Variants in KIF26B observed in about 807,000 individuals in gnomAD.
The protein encoded by KIF26B is kinesin family member 26B.
In KIF26B, 63 loss-of-function variants were observed where a neutral mutation model predicts 151.2. The ratio of observed to expected loss-of-function variants is 0.42; its 90% CI spans 0.34 to 0.51. The LOEUF is 0.51. KIF26B is among the 20% of genes least tolerant of loss of function. The probability of loss-of-function intolerance (pLI) is 0.07; values close to 1 mark genes in which losing one functional copy is unlikely to be tolerated. For missense variants in KIF26B, 2,813 were observed against 2,913.6 expected (o/e 0.97, Z 0.79); for synonymous variants, 1,357 against 1,262.1 (o/e 1.08, Z -1.59).
At position 245,358,129 on chromosome 1, in the gene KIF26B, G is replaced by A. The variant is rs112932022; in HGVS notation, c.466-8705G>A. On this transcript the variant is annotated intron_variant, in intron 2 of 14. Transcript: ENST00000407071. This position sits in a 1 kb window ranked among gnomAD's most constrained non-coding sequence, Gnocchi z 4.1. ...GGGATTTCACCATGTTGCCCAGGCTGGTCTCGAACTTCAGATCTGCCCACC... is the reference window on the plus strand; with the variant it reads ...GGGATTTCACCATGTTGCCCAGGCTAGTCTCGAACTTCAGATCTGCCCACC... Among the ~76,000 whole-genome samples the A allele has an allele frequency of 0.048, 7,376 of 152,140 alleles. 549 individuals are homozygous for A. The highest frequency in any genetic ancestry group is 0.16 in the African/African-American group (6,704 of 41,452).
rs1323891655 is a variant in KIF26B at position 245,419,499 on chromosome 1, C to G, written c.1000-80C>G. ...ACCTGTTCCCTCTTGCCTCCCTCCCCCAAATAGAGAGATGCTGTCAGTGGT... is the reference window on the plus strand; with the variant it reads ...ACCTGTTCCCTCTTGCCTCCCTCCCGCAAATAGAGAGATGCTGTCAGTGGT... On this transcript the variant is annotated intron_variant, in intron 3 of 14. Transcript: ENST00000407071. 3.6e-6 allele frequency: 5 copies of G among 1,390,402 alleles called. No individual in the cohort carries two copies. The Middle Eastern group carries it at 5.7e-4, about 159-fold the overall frequency. The allele number at this position is 1,390,402 out of a possible 1,614,324, so 86.1% of individuals were successfully genotyped here.
rs532197475 is a variant in KIF26B, at chr1:245,313,888, G to A, written c.466-52946G>A. Among the ~76,000 whole-genome samples, 217 of 152,122 alleles carry A rather than the reference G, an allele frequency of 1.4e-3. 1 individual carries two copies. The highest frequency in any genetic ancestry group is 1.8e-3 in the Non-Finnish European group (125 of 67,996). On this transcript the variant is annotated intron_variant, in intron 2 of 14. Coordinates refer to ENST00000407071, the MANE Select transcript of KIF26B (RefSeq NM_018012.4). ...TGAGGCCCATCCTGATTTGGGCCCC[G>A]ACACCCTCCCCAGTCTCTTCTTTCA...
chr1:245,259,934 CA>C (rs35913005), intron 2 of KIF26B, among the ~76,000 whole-genome samples: 31,742 of 72,276 alleles, frequency 0.44, 4,018 homozygotes, highest in African/African-American at 0.52. Flanking sequence ...GGTCCTGTCT[CA>C]AAAAAAAAAA....
At chr1:245,620,184 A>C (rs2043642479) in intron 9 of KIF26B, among the ~76,000 whole-genome samples, 1 of 152,148 alleles carries the variant, frequency 6.6e-6, no homozygotes, top group Non-Finnish European at 1.5e-5. Flanking sequence ...ACGAACCACA[A>C]AGGGCCAAGG....
chr1:245,400,828 T>C (rs1312836769), intron 3 of KIF26B, among the ~76,000 whole-genome samples: 2 of 152,154 alleles, frequency 1.3e-5, no homozygotes, highest in African/African-American at 4.8e-5. Context: ...CCAAATTCCA[T>C]ATGTGGTTTG....
In KIF26B at chr1:245,688,341, C is replaced by T. The variant is rs1408162128; in HGVS notation, c.5358C>T (p.Ser1786=). The T allele has an allele frequency of 6.3e-7, 1 of 1,586,486 alleles. No homozygotes were observed. Among genetic ancestry groups the T allele is most frequent in the South Asian group, 1.1e-5 (1 of 88,808 alleles). The change falls in exon 12 of 15, where the codon TCC becomes TCT. Residue 1786 remains serine, a synonymous_variant. Coordinates refer to ENST00000407071, the MANE Select transcript of KIF26B (RefSeq NM_018012.4). ...AGCACACGCCCTGGTCCACGCAGTCCCTCAGCAGGAACAGGAGCTCGGGCC... is the reference window on the plus strand; with the variant it reads ...AGCACACGCCCTGGTCCACGCAGTCTCTCAGCAGGAACAGGAGCTCGGGCC... ...GGKHTPWSTQ[S]LSRNRSSGLA...
At chr1:245,456,716 T>C (rs1314478563) in intron 4 of KIF26B, among the ~76,000 whole-genome samples, 1 of 152,244 alleles carries the variant, frequency 6.6e-6, no homozygotes, top group Non-Finnish European at 1.5e-5. Context: ...GTTACCAAAA[T>C]AGTTTAAATT....
rs58192966 is a variant in KIF26B at position 245,451,585 on chromosome 1, C to CTTTTTTTTTTT, written c.1166+31858_1166+31868dup. On this transcript the variant is annotated intron_variant, in intron 4 of 14. Coordinates refer to ENST00000407071, the MANE Select transcript of KIF26B (RefSeq NM_018012.4). ...TATAATATGTATCCAGAAGATCTATCTTTTTTTTTTTTTTTTTTTTTTTTT... is the reference window on the plus strand; with the variant it reads ...TATAATATGTATCCAGAAGATCTATCTTTTTTTTTTTTTTTTTTTTTTTTTTTTTTTTTTTT... Among the ~76,000 whole-genome samples the CTTTTTTTTTTT allele has an allele frequency of 1.1e-3, 62 of 58,768 alleles. 1 individual carries two copies. The highest frequency in any genetic ancestry group is 1.9e-3 in the African/African-American group (27 of 14,092). The allele number at this position is 58,768 out of a possible 152,430, so 38.6% of individuals were successfully genotyped here. A position where few individuals can be genotyped will look rare whatever the true frequency, so the allele number is the denominator to read the frequency against.
chr1:245,190,654 T>TTTA (rs397789388), intron 2 of KIF26B, among the ~76,000 whole-genome samples: 2 of 149,816 alleles, frequency 1.3e-5, no homozygotes, highest in Non-Finnish European at 3.0e-5. Flanking sequence ...TTTTTTTTTT[T>TTTA]ACATTTCTTA....
intron 2 of KIF26B, among the ~76,000 whole-genome samples, chr1:245,300,050 T>A (rs1671402265): frequency 6.6e-6 from 1 of 152,248 alleles, no homozygotes; most frequent in Non-Finnish European, 1.5e-5. Flanking sequence ...AAGAGACTTC[T>A]AGTCGTTTTG....
At chr1:245,208,196 C>G (rs1669444754) in intron 2 of KIF26B, among the ~76,000 whole-genome samples, 1 of 152,196 alleles carries the variant, frequency 6.6e-6, no homozygotes, top group Non-Finnish European at 1.5e-5. Flanking sequence ...CTCTACTTGG[C>G]TGGGGGTAAA....
At chr1:245,398,733 T>C (rs1340439624) in intron 3 of KIF26B, among the ~76,000 whole-genome samples, 1 of 151,614 alleles carries the variant, frequency 6.6e-6, no homozygotes, top group Non-Finnish European at 1.5e-5. Flanking sequence ...TTATAAATTA[T>C]AATTTTTATA....
intron 2 of KIF26B, among the ~76,000 whole-genome samples, chr1:245,341,748 C>T (rs985701619): frequency 1.3e-5 from 2 of 152,106 alleles, no homozygotes; most frequent in Non-Finnish European, 2.9e-5. Flanking sequence ...GTTCCTTCAT[C>T]TTTTTTAAAG....
At chr1:245,313,599 A>C (rs1465302607) in intron 2 of KIF26B, among the ~76,000 whole-genome samples, 2 of 152,214 alleles carry the variant, frequency 1.3e-5, no homozygotes, top group Non-Finnish European at 2.9e-5. Context: ...TGAGCGGTCA[A>C]AAGATCTGTT....
chr1:245,230,730 C>T (rs772443202), intron 2 of KIF26B, among the ~76,000 whole-genome samples: 39 of 144,056 alleles, frequency 2.7e-4, no homozygotes, highest in Non-Finnish European at 2.4e-4. Flanking sequence ...GCAACAAGAG[C>T]GAAACTTCAT....
At chr1:245,316,738 C>G (rs1671784486) in intron 2 of KIF26B, among the ~76,000 whole-genome samples, 1 of 148,342 alleles carries the variant, frequency 6.7e-6, no homozygotes, top group Non-Finnish European at 1.5e-5. Flanking sequence ...GCCAGTTTCC[C>G]TATACTGATT....
At position 245,156,564 on chromosome 1, in the gene KIF26B, G is replaced by A; in HGVS notation, c.346G>A (p.Gly116Ser). 3 of 1,531,586 alleles carry A rather than the reference G, an allele frequency of 2.0e-6. No homozygotes were observed. Among genetic ancestry groups the A allele is most frequent in the Non-Finnish European group, 8.7e-7 (1 of 1,145,334 alleles). The allele number at this position is 1,531,586 out of a possible 1,614,324, so 94.9% of individuals were successfully genotyped here. ...FGTGSPGSGS[G>S]GGSSPGSDRG... is the part of the protein sequence containing the mutation. ...CACAGGCTCCCCGGGCTCCGGCAGC[G>A]GCGGCGGCTCCTCCCCCGGCTCGGA... The change falls in exon 2 of 15, where the codon GGC becomes AGC. Residue 116 changes from glycine (G) to serine (S), a missense_variant. Physicochemically the swap from Gly to Ser is moderately conservative, Grantham distance 56 (BLOSUM62 0). Coordinates refer to ENST00000407071, the MANE Select transcript of KIF26B (RefSeq NM_018012.4).
At chr1:245,290,602 G>A (rs925494641) in intron 2 of KIF26B, among the ~76,000 whole-genome samples, 4 of 152,152 alleles carry the variant, frequency 2.6e-5, no homozygotes, top group Non-Finnish European at 4.4e-5. Context: ...GGTCACTCTC[G>A]TGGCCATCTT....
rs1358717517 is a variant in KIF26B at position 245,667,609 on chromosome 1, C to T, written c.2259-16624C>T. Among the ~76,000 whole-genome samples the T allele has an allele frequency of 6.6e-6, 1 of 152,148 alleles. No individual in the cohort carries two copies. The highest frequency in any genetic ancestry group is 2.4e-5 in the African/African-American group (1 of 41,416). ...CACCCAGTAGATACTTATTTAAATACTTATAGAAAGACGACTTTATGCCGG... is the reference window on the plus strand; with the variant it reads ...CACCCAGTAGATACTTATTTAAATATTTATAGAAAGACGACTTTATGCCGG... On this transcript the variant is annotated intron_variant, in intron 10 of 14. Coordinates refer to ENST00000407071, the MANE Select transcript of KIF26B (RefSeq NM_018012.4). The surrounding 1 kb of genome is among the most constrained non-coding windows in gnomAD (Gnocchi z 4.3).
Sources: gnomAD v4.1 joint callset for allele counts (sites outside exome capture counted in the v4.1 genomes callset) on GRCh38, gnomAD v4.1.1 for gene constraint, Gnocchi (gnomAD v3.1) non-coding constraint, MANE v1.5 for transcripts, NCBI Gene and HGNC (gene_info 2026-07-23, HGNC 2026-07-21) for gene names.